PDXDC1: variants seen among roughly 807,000 people sequenced by gnomAD.
The protein encoded by PDXDC1 is pyridoxal-dependent decarboxylase domain-containing protein 1.
Under a neutral mutation model 100.1 loss-of-function variants are expected in PDXDC1, and 42 were observed. The observed-to-expected ratio is 0.42, with a 90% CI of 0.33 to 0.54. The LOEUF is 0.54. Among genes scored for constraint, PDXDC1 ranks in the 20% least tolerant of loss-of-function variants. PDXDC1 has a pLI of 0.10. For synonymous variants in PDXDC1, 260 were observed against 371.7 expected (o/e 0.70, Z 3.46); for missense variants, 636 against 979.2 (o/e 0.65, Z 4.68).
At chr16:15,093,002 G>A (rs564872221) in intron 16 of PDXDC1, among the ~76,000 whole-genome samples, 2 of 151,940 alleles carry the variant, frequency 1.3e-5, no homozygotes, top group South Asian at 2.1e-4. Context: ...AAATCTCTAC[G>A]TGGCTGGATT....
rs147117052 is a variant in PDXDC1 at position 15,112,053 on chromosome 16, T to A, written c.1400-26826T>A. Among the ~76,000 whole-genome samples, 839 of 137,548 alleles carry A rather than the reference T, an allele frequency of 6.1e-3. 18 individuals carry two copies. Among genetic ancestry groups the A allele is most frequent in the South Asian group, 0.014 (57 of 4,118 alleles). The allele number at this position is 137,548 out of a possible 152,430, so 90.2% of individuals were successfully genotyped here. A position where few individuals can be genotyped will look rare whatever the true frequency, so the allele number is the denominator to read the frequency against. ...GCTTCGTTGAGGCTGGTTTGAACTTTACGCAAAACATTCTCACTAATGACT... is the reference window on the plus strand; with the variant it reads ...GCTTCGTTGAGGCTGGTTTGAACTTAACGCAAAACATTCTCACTAATGACT... On this transcript the variant is annotated intron_variant, in intron 16 of 16. Coordinates refer to the PDXDC1 transcript ENST00000535621.
the PDXDC1 span, among the ~76,000 whole-genome samples, chr16:15,148,429 C>A: frequency 7.9e-6 from 1 of 126,572 alleles, no homozygotes; most frequent in South Asian, 2.6e-4. Flanking sequence ...TGTGACCCAG[C>A]CTGGAGTGCA....
intron 15 of PDXDC1, 163 bp downstream of exon 15, chr16:15,029,129 C>G: frequency 1.3e-6 from 1 of 798,474 alleles, no homozygotes; most frequent in Non-Finnish European, 2.1e-6. Context: ...CATTGCGTTA[C>G]CACCTCACGA....
chr16:15,030,270 C>A (rs1410229841), intron 16 of PDXDC1, among the ~76,000 whole-genome samples: 1 of 152,236 alleles, frequency 6.6e-6, no homozygotes, highest in Non-Finnish European at 1.5e-5. Context: ...ATTGGCCGGG[C>A]ATGGTGGCTC....
intron 13 of PDXDC1, among the ~76,000 whole-genome samples, chr16:15,024,386 C>T (rs1298091718): frequency 7.5e-6 from 1 of 133,974 alleles, no homozygotes; most frequent in Non-Finnish European, 1.5e-5. Context: ...AACACTGTTT[C>T]CCACCCCCCG....
chr16:15,099,750 T>C (rs1298019860), intron 16 of PDXDC1, among the ~76,000 whole-genome samples: 3 of 152,222 alleles, frequency 2.0e-5, no homozygotes, highest in Non-Finnish European at 4.4e-5. Context: ...CTGAGTAATA[T>C]ATTGTTTGTA....
intron 16 of PDXDC1, chr16:15,133,109 G>A: frequency 3.2e-6 from 2 of 625,656 alleles, no homozygotes; most frequent in Non-Finnish European, 5.6e-6. Flanking sequence ...GGGTGTGGCT[G>A]CTGGGAGCGG....
At chr16:14,986,442 C>G (rs1223247584) in intron 1 of PDXDC1, among the ~76,000 whole-genome samples, 8 of 152,278 alleles carry the variant, frequency 5.3e-5, no homozygotes, top group Non-Finnish European at 1.0e-4. Flanking sequence ...GCACTCCAGC[C>G]TGGGAGACAG....
intron 16 of PDXDC1, among the ~76,000 whole-genome samples, chr16:15,112,143 G>T (rs1351480521): frequency 3.4e-5 from 5 of 147,730 alleles, no homozygotes; most frequent in Non-Finnish European, 7.6e-5. Flanking sequence ...TTAAGTATTT[G>T]TTCTCATCAT....
rs202166800 is a variant in PDXDC1 at position 15,031,825 on chromosome 16, A to C, written c.1490A>C (p.Glu497Ala). 2 of 1,614,038 alleles carry C rather than the reference A, an allele frequency of 1.2e-6. No individual in the cohort carries two copies. Among genetic ancestry groups the C allele is most frequent in the Admixed American group, 3.3e-5 (2 of 60,032 alleles). The change falls in exon 17 of 23, where the codon GAA becomes GCA. Residue 497 changes from glutamate to alanine, a missense_variant. Glu to Ala is a moderately radical substitution (Grantham distance 107). Transcript: ENST00000396410. ...PVLCCTLQLR[E>A]EFKQEVEATA... is the part of the protein sequence containing the mutation. ...CTGTGCTGTACGCTCCAGTTGCGTG[A>C]AGAGTTCAAGCAGGAAGTGGAAGCA... is the stretch of plus-strand genomic sequence containing the variant.
chr16:15,101,816 T>C lies in PDXDC1; in HGVS notation c.1400-37063T>C, dbSNP rs564067313. Among the ~76,000 whole-genome samples the C allele has an allele frequency of 4.0e-4, 60 of 150,584 alleles. 1 individual carries two copies. The East Asian group carries it at 6.3e-3, about 16-fold the overall frequency. Reference sequence around the variant, plus strand: ...TCAGCCTCCCAAGTAGCTAGGACTATAGGCATGTGCCATCATGGCGAGTTA... The same window carrying C: ...TCAGCCTCCCAAGTAGCTAGGACTACAGGCATGTGCCATCATGGCGAGTTA... On this transcript the variant is annotated intron_variant, in intron 16 of 16. Coordinates refer to the PDXDC1 transcript ENST00000535621.
chr16:14,981,453 A>G (rs1967965152), intron 1 of PDXDC1, among the ~76,000 whole-genome samples: 1 of 152,302 alleles, frequency 6.6e-6, no homozygotes, highest in African/African-American at 2.4e-5. Flanking sequence ...GCTTATCTTA[A>G]GGAAGAGTTA....
At chr16:15,019,629 G>C (rs1289628946) in intron 12 of PDXDC1, among the ~76,000 whole-genome samples, 2 of 152,274 alleles carry the variant, frequency 1.3e-5, no homozygotes, top group Non-Finnish European at 2.9e-5. Context: ...ATAGTGCCTT[G>C]CATGTGGCCT....
Position 15,110,148 on chromosome 16 carries a change from G to GA in PDXDC1, c.1400-28718dup, listed in dbSNP as rs375187720. Among the ~76,000 whole-genome samples, 924 of 128,238 alleles carry GA rather than the reference G, an allele frequency of 7.2e-3. 21 individuals are homozygous for GA. Among genetic ancestry groups the GA allele is most frequent in the Admixed American group, 0.013 (157 of 12,512 alleles). 84.1% of individuals were successfully genotyped at this position (128,238 alleles called of 152,430 possible). On this transcript the variant is annotated intron_variant, in intron 16 of 16. Coordinates refer to the PDXDC1 transcript ENST00000535621. ...CAACACGAGCAAAGCCCCATCTCAGGAAAAAAAAAAAAAGAGAGAGAGAGA... is the reference window on the plus strand; with the variant it reads ...CAACACGAGCAAAGCCCCATCTCAGGAAAAAAAAAAAAAAGAGAGAGAGAGA...
chr16:14,991,258 TATATA>T (rs1970722097), intron 1 of PDXDC1, among the ~76,000 whole-genome samples: 2 of 150,560 alleles, frequency 1.3e-5, no homozygotes, highest in African/African-American at 4.9e-5. Context: ...ATTATATATG[TATATA>T]GATATGTGTG....
chr16:14,976,693 G>C (rs1358959478), intron 1 of PDXDC1: 1 of 152,516 alleles, frequency 6.6e-6, no homozygotes, highest in African/African-American at 2.4e-5. Flanking sequence ...GTCACAATGG[G>C]GGCAGGGAGG....
chr16:14,988,417 T>C (rs1370279161), intron 1 of PDXDC1: 3 of 1,614,288 alleles, frequency 1.9e-6, no homozygotes, highest in Non-Finnish European at 1.7e-6. Flanking sequence ...TGCTGAGCCA[T>C]GTGCTCATCA....
In PDXDC1 at chr16:15,004,248, A is replaced by C; in HGVS notation, c.304A>C (p.Ile102Leu). The change falls in exon 5 of 23, where the codon ATT becomes CTT. Residue 102 changes from isoleucine to leucine, a missense_variant. Coordinates refer to ENST00000396410, the MANE Select transcript of PDXDC1 (RefSeq NM_015027.4). ...GTTGGGACATAGTCTGGGAGCTTAT[A>C]TTTCAACTCTGGACAAAGAGAAGCT... ...ALLGHSLGAY[I>L]STLDKEKLRK... The C allele has an allele frequency of 6.2e-7, 1 of 1,614,198 alleles. No homozygotes were observed. Among genetic ancestry groups the C allele is most frequent in the Non-Finnish European group, 8.5e-7 (1 of 1,180,006 alleles).
chr16:15,065,141 GGGC>G (rs2044909276), intron 16 of PDXDC1: 1 of 1,445,364 alleles, frequency 6.9e-7, no homozygotes, highest in Admixed American at 2.1e-5. Context: ...ACTCCAGCCT[GGGC>G]GACAGAGTGA....
Sources: allele counts gnomAD v4.1 joint callset (sites outside exome capture counted in the v4.1 genomes callset), GRCh38; gene constraint gnomAD v4.1.1; transcripts MANE v1.5; gene names NCBI Gene and HGNC (gene_info 2026-07-23, HGNC 2026-07-21).